Variants in CPPED1 observed in about 807,000 individuals in gnomAD.
The protein encoded by CPPED1 is serine/threonine-protein phosphatase CPPED1.
Under a neutral mutation model 28.0 loss-of-function variants are expected in CPPED1, and 28 were observed. That is an observed-to-expected ratio of 1.00 (90% confidence interval 0.74 to 1.37). The LOEUF (loss-of-function observed/expected upper bound fraction) is 1.37, where lower values mean the gene tolerates loss of function less well. Among genes scored for constraint, CPPED1 ranks in the 40% most tolerant of loss-of-function variants. The probability of loss-of-function intolerance (pLI) is 0.00; values close to 1 mark genes in which losing one functional copy is unlikely to be tolerated. For missense variants in CPPED1, 504 were observed against 416.5 expected (o/e 1.21, Z -1.83); for synonymous variants, 198 against 180.2 (o/e 1.10, Z -0.79).
At chr16:12,711,521 A>G (rs2080079844) in intron 2 of CPPED1, among the ~76,000 whole-genome samples, 1 of 152,236 alleles carries the variant, frequency 6.6e-6, no homozygotes, top group South Asian at 2.1e-4. Context: ...CTAAAAGAAA[A>G]GAGAAGAAAC....
chr16:12,708,961 T>C (rs945538236), intron 2 of CPPED1, among the ~76,000 whole-genome samples: 3 of 152,192 alleles, frequency 2.0e-5, no homozygotes, highest in Admixed American at 6.5e-5. Flanking sequence ...GGGCCTGTAA[T>C]CCCAGCTACT....
intron 1 of CPPED1, among the ~76,000 whole-genome samples, chr16:12,787,701 G>A (rs559358358): frequency 1.8e-4 from 27 of 152,166 alleles, no homozygotes; most frequent in African/African-American, 6.3e-4. Context: ...CACCACACCT[G>A]GCCAGCGAAT....
rs959459838 is a variant in CPPED1, at chr16:12,682,442, A to AT, written c.716-17328dup. Among the ~76,000 whole-genome samples the AT allele has an allele frequency of 7.2e-5, 11 of 152,152 alleles. No homozygotes were observed. The highest frequency in any genetic ancestry group is 1.9e-4 in the East Asian group (1 of 5,176). On this transcript the variant is annotated intron_variant, in intron 3 of 3. Coordinates refer to ENST00000381774, the MANE Select transcript of CPPED1 (RefSeq NM_018340.3). The surrounding 1 kb of genome is among the most constrained non-coding windows in gnomAD (Gnocchi z 6.1). ...GTAGAATATGCAAGAGGAGGGCTGT[A>AT]TTTTTTTAATACTAATATTTGGTTG... is the stretch of plus-strand genomic sequence containing the variant.
rs111281685 is a variant in CPPED1, at chr16:12,732,288, C to T, written c.290-27239G>A. ...ACTATGGTAGCAAAAATGAAAAGCT[C>T]GGTAGAAGGCTTAGAAGATAAGGTG... On this transcript the variant is annotated intron_variant, in intron 2 of 3. Coordinates refer to ENST00000381774, the MANE Select transcript of CPPED1 (RefSeq NM_018340.3). Among the ~76,000 whole-genome samples, 993 of 145,896 alleles carry T rather than the reference C, an allele frequency of 6.8e-3. 5 individuals carry two copies. The highest frequency in any genetic ancestry group is 0.036 in the Middle Eastern group (10 of 276).
In CPPED1 at chr16:12,766,242, AAT is replaced by A. The variant is rs71393703; in HGVS notation, c.289+14941_289+14942del. 1.5e-4 allele frequency among the ~76,000 whole-genome samples: 19 copies of A among 126,686 alleles called. 2 individuals carry two copies. The highest frequency in any genetic ancestry group is 6.3e-4 in the African/African-American group (17 of 26,958). The allele number at this position is 126,686 out of a possible 152,430, so 83.1% of individuals were successfully genotyped here. ...ACCCCATCTCTACAAAAAAAATACA[AAT>A]ATATATATATATAGAGAGAGAGAGA... On this transcript the variant is annotated intron_variant, in intron 2 of 3. Transcript: ENST00000381774.
chr16:12,723,369 T>A (rs1003581181), intron 2 of CPPED1, among the ~76,000 whole-genome samples: 1 of 152,128 alleles, frequency 6.6e-6, no homozygotes, highest in Non-Finnish European at 1.5e-5. Flanking sequence ...CAGTACCTCA[T>A]CATATGACTG....
intron 3 of CPPED1, among the ~76,000 whole-genome samples, chr16:12,689,791 C>T (rs1179335951): frequency 6.6e-6 from 1 of 152,122 alleles, no homozygotes; most frequent in Non-Finnish European, 1.5e-5. Context: ...CAGAAACAGA[C>T]TCTTATGAAG....
rs143094418 is a variant in CPPED1, at chr16:12,794,387, T to C, written c.70+9320A>G. ...ATTATTTAATTAACAATTCACATGG[T>C]GAACTGTAGGGTATGCTAACAGTTG... On this transcript the variant is annotated intron_variant, in intron 1 of 3. Coordinates refer to ENST00000381774, the MANE Select transcript of CPPED1 (RefSeq NM_018340.3). 4.3e-3 allele frequency among the ~76,000 whole-genome samples: 649 copies of C among 151,896 alleles called. 5 individuals carry two copies. Among genetic ancestry groups the C allele is most frequent in the African/African-American group, 0.015 (603 of 41,402 alleles).
At chr16:12,791,130 T>C (rs1354281979) in intron 1 of CPPED1, among the ~76,000 whole-genome samples, 1 of 151,616 alleles carries the variant, frequency 6.6e-6, no homozygotes, top group African/African-American at 2.4e-5. Flanking sequence ...ACATGTGCCA[T>C]GGTGGTCTGC....
chr16:12,784,882 T>A (rs942301908), intron 1 of CPPED1, among the ~76,000 whole-genome samples: 2 of 152,238 alleles, frequency 1.3e-5, no homozygotes, highest in African/African-American at 2.4e-5. Flanking sequence ...TTAAAACAAA[T>A]CTTTCATTAT....
chr16:12,666,545 G>C (rs1217092145), intron 3 of CPPED1, among the ~76,000 whole-genome samples: 1 of 152,154 alleles, frequency 6.6e-6, no homozygotes, highest in East Asian at 1.9e-4. Context: ...GACCTGATTT[G>C]TCACATTTGT....
intron 2 of CPPED1, among the ~76,000 whole-genome samples, chr16:12,712,332 C>A (rs538516719): frequency 6.6e-6 from 1 of 152,158 alleles, no homozygotes; most frequent in Non-Finnish European, 1.5e-5. Context: ...AAGATCATAG[C>A]TCAGTAATTA....
chr16:12,699,982 C>A (rs1864022), intron 3 of CPPED1, among the ~76,000 whole-genome samples: 77,356 of 152,080 alleles, frequency 0.51, 20,441 homozygotes, highest in Admixed American at 0.63. Context: ...TGCGTACAGC[C>A]AAGAGCGCCC....
At position 12,771,860 on chromosome 16, in the gene CPPED1, T is replaced by C. The variant is rs191347283; in HGVS notation, c.289+9325A>G. ...AGTGGGGGTCAGGCATGGTGGCTCA[T>C]GTATGTAATCCCAGAACTTTGGGAG... On this transcript the variant is annotated intron_variant, in intron 2 of 3. Coordinates refer to ENST00000381774, the MANE Select transcript of CPPED1 (RefSeq NM_018340.3). Among the ~76,000 whole-genome samples, 8 of 152,284 alleles carry C rather than the reference T, an allele frequency of 5.3e-5. No homozygotes were observed. The East Asian group carries it at 1.5e-3, about 29-fold the overall frequency.
intron 3 of CPPED1, among the ~76,000 whole-genome samples, chr16:12,693,370 G>GC (rs1435275954): frequency 7.2e-5 from 11 of 151,984 alleles, no homozygotes. Context: ...CATTTTTTGT[G>GC]TTTTTTTGTA....
chr16:12,697,161 A>C (rs951541435), intron 3 of CPPED1, among the ~76,000 whole-genome samples: 2 of 151,964 alleles, frequency 1.3e-5, no homozygotes, highest in African/African-American at 4.8e-5. Flanking sequence ...AGTAGCTAGG[A>C]CTACAAGTGT....
chr16:12,766,256 T>TATATATAGAGAG, intron 2 of CPPED1, among the ~76,000 whole-genome samples: 2 of 134,252 alleles, frequency 1.5e-5, no homozygotes, highest in African/African-American at 3.5e-5. Flanking sequence ...TATATATATA[T>TATATATAGAGAG]AGAGAGAGAG....
chr16:12,790,357 T>C (rs1360949171), intron 1 of CPPED1, among the ~76,000 whole-genome samples: 1 of 152,232 alleles, frequency 6.6e-6, no homozygotes, highest in Non-Finnish European at 1.5e-5. Context: ...TTTTAATATA[T>C]ACCAAGAATT....
chr16:12,700,816 G>T (rs1002515967), intron 3 of CPPED1, among the ~76,000 whole-genome samples: 2 of 152,194 alleles, frequency 1.3e-5, no homozygotes. Flanking sequence ...GGAGCTGAGA[G>T]TTTAGCGGGG....
Sources: allele counts gnomAD v4.1 joint callset (sites outside exome capture counted in the v4.1 genomes callset), GRCh38; gene constraint gnomAD v4.1.1; non-coding constraint Gnocchi (gnomAD v3.1); transcripts MANE v1.5; gene names NCBI Gene and HGNC (gene_info 2026-07-23, HGNC 2026-07-21).